Variants in NOX4 observed in about 807,000 individuals in gnomAD.
NOX4 encodes kidney oxidase-1.
In NOX4, 69 loss-of-function variants were observed where a neutral mutation model predicts 87.6. The observed-to-expected ratio is 0.79, with a 90% CI of 0.65 to 0.96. NOX4 has a LOEUF of 0.96. NOX4 is among the 40% of genes least tolerant of loss of function. The probability of loss-of-function intolerance (pLI) is 0.00; values close to 1 mark genes in which losing one functional copy is unlikely to be tolerated. For missense variants in NOX4, 680 were observed against 681.5 expected, an observed-to-expected ratio of 1.00 and a Z score of 0.02; for synonymous variants, 275 against 238.2, an observed-to-expected ratio of 1.15 and a Z score of -1.42.
At chr11:89,497,179 A>G (rs1330274135), upstream of NOX4, among the ~76,000 whole-genome samples, 1 of 152,180 alleles carries the variant, frequency 6.6e-6, no homozygotes, top group African/African-American at 2.4e-5. Flanking sequence ...ACACTCTCCA[A>G]AGACTGTTGT....
rs930655209 is a variant in NOX4 at position 89,325,511 on chromosome 11, A to C, written c.*1245T>G. 1 of 152,180 alleles carries C rather than the reference A, an allele frequency of 6.6e-6. No homozygotes were observed. The highest frequency in any genetic ancestry group is 1.5e-5 in the Non-Finnish European group (1 of 68,028). The allele number at this position is 152,180 out of a possible 1,614,324, so 9.4% of individuals were successfully genotyped here. On this transcript the variant is annotated 3_prime_UTR_variant, in exon 18 of 18. Transcript: ENST00000263317. ...TATAAGATCACACAGTGTAGTTCCA[A>C]CGGTGACTTTAAACCCAATAGTTCC...
the NOX4 span, among the ~76,000 whole-genome samples, chr11:89,537,199 C>T: frequency 1.3e-5 from 2 of 152,040 alleles, no homozygotes; most frequent in East Asian, 1.9e-4. Context: ...TGTCAGCCAA[C>T]GTCCTTAGTC....
chr11:89,441,825 C>T (rs1245165797), intron 5 of NOX4, among the ~76,000 whole-genome samples: 1 of 151,708 alleles, frequency 6.6e-6, no homozygotes, highest in Non-Finnish European at 1.5e-5. Context: ...GGAAGTGCAG[C>T]AGTCACAAGG....
the NOX4 span, among the ~76,000 whole-genome samples, chr11:89,547,625 T>C: frequency 5.3e-5 from 8 of 152,226 alleles, no homozygotes; most frequent in African/African-American, 1.9e-4. Context: ...ACATTAAAGA[T>C]TGAGAAGAAA....
In NOX4 at chr11:89,444,143, G is replaced by A. The variant is rs368158042; in HGVS notation, c.439C>T (p.Arg147Ter). 4.3e-6 allele frequency: 7 copies of A among 1,612,940 alleles called. No individual in the cohort carries two copies. The East Asian group carries it at 6.7e-5, about 15-fold the overall frequency. The change falls in exon 5 of 18, where the codon CGA becomes TGA. Residue 147 changes from arginine (R) to a stop codon, truncating the protein, a stop_gained. Coordinates refer to ENST00000263317, the MANE Select transcript of NOX4 (RefSeq NM_016931.5). LOFTEE classifies it high-confidence loss of function. Reference sequence around the variant, plus strand: ...AGACAGAGACCACCCACCTCATCTCGGTATCTTGCTGCATTCAGTTCAACA... The same window carrying A: ...AGACAGAGACCACCCACCTCATCTCAGTATCTTGCTGCATTCAGTTCAACA... ...DFVELNAARY[R>*]DEDPRKLLFT...
the NOX4 span, among the ~76,000 whole-genome samples, chr11:89,580,305 G>A: frequency 6.6e-6 from 1 of 151,784 alleles, no homozygotes; most frequent in Non-Finnish European, 1.5e-5. Flanking sequence ...CTACCTCATC[G>A]TCCTAAAGAG....
At position 89,438,921 on chromosome 11, in the gene NOX4, T is replaced by A. The variant is rs1237714788; in HGVS notation, c.475+1767A>T. 6.5e-4 allele frequency among the ~76,000 whole-genome samples: 36 copies of A among 55,746 alleles called. 1 individual carries two copies. The highest frequency in any genetic ancestry group is 2.1e-3 in the African/African-American group (32 of 15,172). The allele number at this position is 55,746 out of a possible 152,430, so 36.6% of individuals were successfully genotyped here. ...TATATATATAATATATAATATAAAA[T>A]ATATATAATAATATAATATATATTA... On this transcript the variant is annotated intron_variant, in intron 6 of 17. Coordinates refer to ENST00000263317, the MANE Select transcript of NOX4 (RefSeq NM_016931.5).
At position 89,456,186 on chromosome 11, in the gene NOX4, A is replaced by G. The variant is rs1335682466; in HGVS notation, c.154-4291T>C. ...AAAATATCATGTGTATTTTATACAT[A>G]TATACAATTACTATAATAATTAAAA... is the stretch of plus-strand genomic sequence containing the variant. On this transcript the variant is annotated intron_variant, in intron 2 of 17. Transcript: ENST00000263317. Among the ~76,000 whole-genome samples the G allele has an allele frequency of 2.6e-5, 4 of 152,190 alleles. 1 individual carries two copies. In the South Asian group the frequency reaches 8.3e-4, roughly 31 times the overall value.
rs778950581 is a variant in NOX4, at chr11:89,449,520, G to C, written c.269C>G (p.Pro90Arg). 3 of 1,608,922 alleles carry C rather than the reference G, an allele frequency of 1.9e-6. No homozygotes were observed. The highest frequency in any genetic ancestry group is 2.5e-6 in the Non-Finnish European group (3 of 1,176,570). The change falls in exon 4 of 18, where the codon CCA becomes CGA. Residue 90 changes from proline (P) to arginine (R), a missense_variant. Transcript: ENST00000263317. ...CAACAATCTCCTGGTTCTCCTGCTT[G>C]GAACCTAAACAAAAATCATTTAATA... ...LAYLRGSQKV[P>R]SRRTRRLLDK...
the NOX4 span, chr11:89,545,382 G>A: frequency 5.9e-5 from 9 of 151,740 alleles, no homozygotes; most frequent in Non-Finnish European, 1.0e-4. Context: ...CCTTTTTCTC[G>A]GCCATGACTC....
chr11:89,370,574 T>C (rs1939365076), intron 12 of NOX4, among the ~76,000 whole-genome samples: 1 of 152,074 alleles, frequency 6.6e-6, no homozygotes, highest in African/African-American at 2.4e-5. Context: ...TGTTTGAAAC[T>C]GGAAAGAATG....
At chr11:89,587,229 G>T in the NOX4 span, among the ~76,000 whole-genome samples, 2 of 151,992 alleles carry the variant, frequency 1.3e-5, no homozygotes, top group African/African-American at 4.8e-5. Context: ...TAACATAGAA[G>T]GGAGAGGATA....
intron 8 of NOX4, among the ~76,000 whole-genome samples, chr11:89,411,218 A>T (rs2135225684): frequency 6.6e-6 from 1 of 152,250 alleles, no homozygotes; most frequent in East Asian, 1.9e-4. Context: ...AATAACCAGC[A>T]GTGGTACCCA....
At chr11:89,539,208 C>T in the NOX4 span, among the ~76,000 whole-genome samples, 1 of 152,038 alleles carries the variant, frequency 6.6e-6, no homozygotes, top group African/African-American at 2.4e-5. Flanking sequence ...CCAAGACGGG[C>T]AGATCATGAG....
At chr11:89,534,583 T>C in the NOX4 span, among the ~76,000 whole-genome samples, 1 of 152,258 alleles carries the variant, frequency 6.6e-6, no homozygotes, top group Non-Finnish European at 1.5e-5. Context: ...CAGGTTCTTC[T>C]GTACAGCTCT....
At chr11:89,461,079 G>A (rs1004564740) in intron 2 of NOX4, among the ~76,000 whole-genome samples, 10 of 152,066 alleles carry the variant, frequency 6.6e-5, no homozygotes, top group African/African-American at 2.4e-4. Context: ...AACACCGCAT[G>A]TTCTCACTCA....
chr11:89,555,795 A>G, the NOX4 span, among the ~76,000 whole-genome samples: 1 of 152,172 alleles, frequency 6.6e-6, no homozygotes, highest in Admixed American at 6.5e-5. Context: ...GAAAGGAGAG[A>G]GCCGATATGT....
chr11:89,431,201 A>C (rs1265045365), intron 7 of NOX4, among the ~76,000 whole-genome samples: 8 of 152,200 alleles, frequency 5.3e-5, no homozygotes, highest in African/African-American at 1.9e-4. Context: ...TACAAAAATT[A>C]ATTCAAGATG....
the NOX4 span, among the ~76,000 whole-genome samples, chr11:89,580,007 G>T: frequency 6.6e-6 from 1 of 151,920 alleles, no homozygotes; most frequent in Non-Finnish European, 1.5e-5. Context: ...TTCAAAAAAC[G>T]CTTAGATTGC....
Sources: gnomAD v4.1 joint callset for allele counts (sites outside exome capture counted in the v4.1 genomes callset) on GRCh38, gnomAD v4.1.1 for gene constraint, MANE v1.5 for transcripts, NCBI Gene and HGNC (gene_info 2026-07-23, HGNC 2026-07-21) for gene names.